AMZ1: variants seen among roughly 807,000 people sequenced by gnomAD.
AMZ1 encodes archaelysin family metallopeptidase 1.
AMZ1 carries 39 observed loss-of-function variants against 29.9 expected under a neutral mutation model. The ratio of observed to expected loss-of-function variants is 1.30; its 90% CI spans 1.01 to 1.70. The LOEUF (loss-of-function observed/expected upper bound fraction) is 1.70. Among genes scored for constraint, AMZ1 ranks in the 40% most tolerant of loss-of-function variants. The pLI, the probability that AMZ1 is intolerant of heterozygous loss-of-function variation, is 0.00. For synonymous variants in AMZ1, 458 were observed against 304.0 expected (o/e 1.51, Z -5.27); for missense variants, 1,041 against 680.6 (o/e 1.53, Z -5.89).
intron 4 of AMZ1, chr7:2,730,723 G>C (rs1382508451): frequency 6.2e-6 from 1 of 160,788 alleles, no homozygotes; most frequent in East Asian, 1.7e-4. Flanking sequence ...GCTACTGTTA[G>C]GCAAAGCTTT....
In AMZ1 at chr7:2,700,684, A is replaced by G. The variant is rs1278897660; in HGVS notation, c.233A>G (p.Gln78Arg). ...CGACCCGAGGCTCCCGAGGACTTCC[A>G]GACCTTCCACGCCTCCCTGCAGCAC... ...LSRPEAPEDF[Q>R]TFHASLQHRK... The change falls in exon 2 of 7, where the codon CAG (glutamine) becomes CGG (arginine). Residue 78 changes from glutamine to arginine, a missense_variant. Coordinates refer to ENST00000683327, the MANE Select transcript of AMZ1 (RefSeq NM_001384743.1). The G allele has an allele frequency of 2.5e-6, 4 of 1,612,992 alleles. No homozygotes were observed. Among genetic ancestry groups the G allele is most frequent in the Middle Eastern group, 3.3e-4 (2 of 6,060 alleles).
At chr7:2,703,000 G>A (rs1788149694) in intron 3 of AMZ1, 111 bp downstream of exon 3, 4 of 1,382,876 alleles carry the variant, frequency 2.9e-6, no homozygotes, top group Non-Finnish European at 3.8e-6. Flanking sequence ...CTTTTTGCTG[G>A]GAAACATCCA....
intron 4 of AMZ1, among the ~76,000 whole-genome samples, chr7:2,726,185 A>G (rs996002331): frequency 1.3e-5 from 2 of 152,236 alleles, no homozygotes; most frequent in African/African-American, 4.8e-5. Flanking sequence ...GTGCGTGAGG[A>G]AAGATTAGCA....
intron 4 of AMZ1, chr7:2,728,947 T>G (rs751259668): frequency 2.8e-4 from 43 of 152,544 alleles, no homozygotes; most frequent in Middle Eastern, 3.4e-3. Context: ...GCCATCCCCC[T>G]GCGCTTTCTA....
intron 2 of AMZ1, chr7:2,702,502 C>T (rs1788108248): frequency 7.0e-6 from 4 of 571,480 alleles, no homozygotes; most frequent in Admixed American, 3.3e-5. Context: ...GCTGTCCTTT[C>T]ATCTGTGCAT....
rs1008011494 is a variant in AMZ1 at position 2,718,956 on chromosome 7, C to G, written c.*6078C>G. ...TACAGGAGAGCTCCGGCCATTTATTCCAAATGTATGAGCAGGAAGGAAAGA... is the reference window on the plus strand; with the variant it reads ...TACAGGAGAGCTCCGGCCATTTATTGCAAATGTATGAGCAGGAAGGAAAGA... On this transcript the variant is annotated 3_prime_UTR_variant, in exon 7 of 7. Coordinates refer to ENST00000683327, the MANE Select transcript of AMZ1 (RefSeq NM_001384743.1). Among the ~76,000 whole-genome samples, 1 of 151,672 alleles carries G rather than the reference C, an allele frequency of 6.6e-6. No individual in the cohort carries two copies. The highest frequency in any genetic ancestry group is 1.5e-5 in the Non-Finnish European group (1 of 67,984).
At chr7:2,708,253 ACT>A (rs1456304949) in intron 3 of AMZ1, among the ~76,000 whole-genome samples, 2 of 151,754 alleles carry the variant, frequency 1.3e-5, no homozygotes, top group Non-Finnish European at 2.9e-5. Context: ...TGAGACGTGG[ACT>A]CTCTGGGGCT....
At position 2,709,647 on chromosome 7, in the gene AMZ1, G is replaced by A. The variant is rs201381568; in HGVS notation, c.779G>A (p.Cys260Tyr). 6.2e-7 allele frequency: 1 copy of A among 1,608,762 alleles called. No individual in the cohort carries two copies. The highest frequency in any genetic ancestry group is 2.2e-5 in the East Asian group (1 of 44,840). Residue 260 changes from cysteine to tyrosine, a missense_variant, in exon 6 of 7, where the codon TGC becomes TAC. Transcript: ENST00000683327. ...TGGTGGCCTTCCCCCCAGGTCACGT[G>A]CCACGAGCTCTGCCACCTTCTGGGC... Reference protein sequence around the residue: ...LGMVQCCKVTCHELCHLLGLG... With the variant: ...LGMVQCCKVTYHELCHLLGLG...
chr7:2,762,764 C>T, upstream of AMZ1: 1 of 1,549,076 alleles, frequency 6.5e-7, no homozygotes, highest in Non-Finnish European at 8.7e-7. Flanking sequence ...CAGGCCCGTC[C>T]TTTCCACCCA....
At chr7:2,692,705 G>A (rs190376487) in intron 1 of AMZ1, among the ~76,000 whole-genome samples, 3 of 152,244 alleles carry the variant, frequency 2.0e-5, no homozygotes, top group African/African-American at 7.2e-5. Flanking sequence ...GCCTCCACAC[G>A]CTGACACCTG....
At chr7:2,708,849 A>G (rs900476041) in intron 4 of AMZ1, 133 bp downstream of exon 4, 42 of 1,430,148 alleles carry the variant, frequency 2.9e-5, no homozygotes, top group East Asian at 1.4e-4. Flanking sequence ...GTGCATGGGA[A>G]TAGATGGCCC....
In AMZ1 at chr7:2,750,778, T is replaced by C. The variant is rs146060911; in HGVS notation, n.551-13934T>C. On this transcript the variant is annotated intron_variant and non_coding_transcript_variant, in intron 4 of 4. Coordinates refer to the AMZ1 transcript ENST00000489665. ...ACTATCGGACAGGCATGTCCCATAG[T>C]GTGAAGAAACACAGTGTGAAGTTAC... Among the ~76,000 whole-genome samples, 7 of 152,308 alleles carry C rather than the reference T, an allele frequency of 4.6e-5. No homozygotes were observed. The East Asian group carries it at 1.4e-3, about 29-fold the overall frequency.
chr7:2,698,494 C>T (rs890687934), intron 1 of AMZ1, among the ~76,000 whole-genome samples: 19 of 151,782 alleles, frequency 1.3e-4, no homozygotes, highest in African/African-American at 3.9e-4. Context: ...GCCCAGATCA[C>T]GACACTGCAT....
At position 2,718,923 on chromosome 7, in the gene AMZ1, G is replaced by T. The variant is rs552565302; in HGVS notation, c.*6045G>T. On this transcript the variant is annotated 3_prime_UTR_variant, in exon 7 of 7. Transcript: ENST00000683327. ...GCTTTTCTCAGGGTCGCTTAACACA[G>T]GCAGGGGTACAGGAGAGCTCCGGCC... Among the ~76,000 whole-genome samples the T allele has an allele frequency of 2.8e-4, 43 of 152,308 alleles. No homozygotes were observed. The South Asian group carries it at 4.6e-3, about 16-fold the overall frequency.
chr7:2,687,135 T>G (rs182913398), upstream of AMZ1, among the ~76,000 whole-genome samples: 1 of 152,032 alleles, frequency 6.6e-6, no homozygotes, highest in Admixed American at 6.5e-5. Flanking sequence ...GATACCAGCC[T>G]GGCCAAGAAG....
chr7:2,735,631 C>T (rs539563823), intron 4 of AMZ1, among the ~76,000 whole-genome samples: 1 of 152,242 alleles, frequency 6.6e-6, no homozygotes, highest in African/African-American at 2.4e-5. Flanking sequence ...ACAGCAAACA[C>T]TCACTGCTGC....
chr7:2,691,921 A>G (rs1399202465), intron 1 of AMZ1, among the ~76,000 whole-genome samples: 1 of 152,060 alleles, frequency 6.6e-6, no homozygotes, highest in African/African-American at 2.4e-5. Flanking sequence ...CAGAGAAATA[A>G]TTGATAGGCC....
rs1194583694 is a variant in AMZ1 at position 2,714,093 on chromosome 7, C to G, written c.*1215C>G. ...TGAGGAATTGACCCTTTTATTGTCACACGTACCCCCTCAGCCTGTGGTGGA... is the reference window on the plus strand; with the variant it reads ...TGAGGAATTGACCCTTTTATTGTCAGACGTACCCCCTCAGCCTGTGGTGGA... On this transcript the variant is annotated 3_prime_UTR_variant, in exon 7 of 7. Transcript: ENST00000683327. 6.6e-6 allele frequency: 1 copy of G among 152,212 alleles called. No homozygotes were observed. Among genetic ancestry groups the G allele is most frequent in the African/African-American group, 2.4e-5 (1 of 41,418 alleles). 9.4% of individuals were successfully genotyped at this position (152,212 alleles called of 1,614,324 possible).
In AMZ1 at chr7:2,716,782, G is replaced by A. The variant is rs1159753351; in HGVS notation, c.*3904G>A. Among the ~76,000 whole-genome samples, 1 of 152,210 alleles carries A rather than the reference G, an allele frequency of 6.6e-6. No individual in the cohort carries two copies. The highest frequency in any genetic ancestry group is 1.5e-5 in the Non-Finnish European group (1 of 68,040). ...CCACCGCTTAAGGGGTCCTTCCTATGTAACGGAATTTTTTTACATCATCAT... is the reference window on the plus strand; with the variant it reads ...CCACCGCTTAAGGGGTCCTTCCTATATAACGGAATTTTTTTACATCATCAT... On this transcript the variant is annotated 3_prime_UTR_variant, in exon 7 of 7. Transcript: ENST00000683327.
Sources: gnomAD v4.1 joint callset for allele counts (sites outside exome capture counted in the v4.1 genomes callset) on GRCh38, gnomAD v4.1.1 for gene constraint, MANE v1.5 for transcripts, NCBI Gene and HGNC (gene_info 2026-07-23, HGNC 2026-07-21) for gene names.